ZBBX: variants seen among roughly 807,000 people sequenced by gnomAD.
ZBBX encodes zinc finger B-box domain containing.
ZBBX carries 101 observed loss-of-function variants against 108.5 expected under a neutral mutation model. The observed-to-expected ratio is 0.93, with a 90% confidence interval of 0.79 to 1.10. ZBBX has a LOEUF of 1.10. Among genes scored for constraint, ZBBX ranks in the 50% least tolerant of loss-of-function variants. ZBBX has a pLI of 0.00. For synonymous variants in ZBBX, 356 were observed against 323.4 expected (o/e 1.10, Z -1.08); for missense variants, 1,009 against 941.4 (o/e 1.07, Z -0.94).
chr3:167,317,129 ATAT>A, intron 13 of ZBBX, 24 bp from the exon 14 acceptor site: 6 of 1,411,794 alleles, frequency 4.2e-6, no homozygotes, highest in Non-Finnish European at 6.0e-6. Context: ...TTCACAAATA[ATAT>A]CATCAAAGAA....
chr3:167,218,749 A>T, the ZBBX span, among the ~76,000 whole-genome samples: 3 of 152,110 alleles, frequency 2.0e-5, no homozygotes, highest in Non-Finnish European at 4.4e-5. Flanking sequence ...AACACAAATA[A>T]CTAAATGGCA....
chr3:167,331,197 C>A (rs990438715), intron 10 of ZBBX, among the ~76,000 whole-genome samples: 5 of 152,050 alleles, frequency 3.3e-5, no homozygotes, highest in African/African-American at 1.2e-4. Context: ...ATAAAGGTAA[C>A]CAACTGAATG....
At chr3:167,215,451 C>T in the ZBBX span, among the ~76,000 whole-genome samples, 2 of 151,980 alleles carry the variant, frequency 1.3e-5, no homozygotes, top group African/African-American at 4.8e-5. Flanking sequence ...TTCCTGAACA[C>T]ATCAATAATG....
rs1728947586 is a variant in ZBBX at position 167,282,263 on chromosome 3, T to C, written c.2229A>G (p.Glu743=). 3.7e-6 allele frequency: 6 copies of C among 1,612,736 alleles called. No homozygotes were observed. Among genetic ancestry groups the C allele is most frequent in the Non-Finnish European group, 5.1e-6 (6 of 1,179,552 alleles). Residue 743 remains glutamate (E), a synonymous_variant, in exon 20 of 22, where the codon GAA becomes GAG. Transcript: ENST00000675490. ...CTGCAAGAGATCTCAGCACTTGTAATTCTTTTTCCAAATTGTCTAAAGTAT... is the reference window on the plus strand; with the variant it reads ...CTGCAAGAGATCTCAGCACTTGTAACTCTTTTTCCAAATTGTCTAAAGTAT... The part of the protein sequence containing the change: ...DQHTLDNLEK[E]LQVLRSLADT...
At chr3:167,233,453 A>G in the ZBBX span, among the ~76,000 whole-genome samples, 1 of 151,798 alleles carries the variant, frequency 6.6e-6, no homozygotes, top group East Asian at 1.9e-4. Flanking sequence ...AAAGGTAGAA[A>G]TGAGCATAAG....
At chr3:167,374,961 A>C (rs1184650653) in intron 2 of ZBBX, among the ~76,000 whole-genome samples, 2 of 152,100 alleles carry the variant, frequency 1.3e-5, no homozygotes, top group Admixed American at 1.3e-4. Flanking sequence ...TACGTGGAAG[A>C]AAAAAAATAA....
the ZBBX span, among the ~76,000 whole-genome samples, chr3:167,226,670 T>A: frequency 6.6e-6 from 1 of 151,762 alleles, no homozygotes; most frequent in Non-Finnish European, 1.5e-5. Context: ...TTTCTCCTCA[T>A]CTGATTATCT....
At chr3:167,219,372 G>A in the ZBBX span, among the ~76,000 whole-genome samples, 2 of 151,854 alleles carry the variant, frequency 1.3e-5, no homozygotes, top group Non-Finnish European at 2.9e-5. Flanking sequence ...TAGATCATAA[G>A]GTAGGTCACA....
intron 8 of ZBBX, among the ~76,000 whole-genome samples, chr3:167,353,560 C>T (rs1046004825): frequency 2.0e-5 from 3 of 151,946 alleles, no homozygotes; most frequent in Admixed American, 6.6e-5. Flanking sequence ...ATGATGTTCC[C>T]ATTCAGATGA....
At chr3:167,187,031 T>C in the ZBBX span, among the ~76,000 whole-genome samples, 2 of 152,168 alleles carry the variant, frequency 1.3e-5, no homozygotes, top group African/African-American at 2.4e-5. Context: ...CCTGAAGTAT[T>C]TGGCTTTGGG....
At chr3:167,272,865 A>T (rs1348012097) in intron 20 of ZBBX, among the ~76,000 whole-genome samples, 1 of 152,210 alleles carries the variant, frequency 6.6e-6, no homozygotes. Flanking sequence ...GCTGGACCTC[A>T]TCAGCGAGTG....
chr3:167,305,641 A>G lies in ZBBX; in HGVS notation c.1725+2T>C. 1 of 1,532,882 alleles carries G rather than the reference A, an allele frequency of 6.5e-7. No individual in the cohort carries two copies. Among genetic ancestry groups the G allele is most frequent in the Non-Finnish European group, 8.7e-7 (1 of 1,145,548 alleles). 95.0% of individuals were successfully genotyped at this position (1,532,882 alleles called of 1,614,324 possible). On this transcript the variant is annotated splice_donor_variant, in intron 17 of 21. Transcript: ENST00000675490. LOFTEE classifies it high-confidence loss of function. ...AATATAATAAACATAATAGAGATTT[A>G]CCAGTGATGACTTTGTAGTTTTTGA...
At chr3:167,242,820 A>G (rs918781585) in intron 20 of ZBBX, among the ~76,000 whole-genome samples, 177 bp from the exon 21 acceptor site, 8 of 152,170 alleles carry the variant, frequency 5.3e-5, no homozygotes, top group Admixed American at 4.6e-4. Context: ...TTGAGATTCC[A>G]AATTGGGGCA....
intron 16 of ZBBX, among the ~76,000 whole-genome samples, chr3:167,311,634 A>G (rs988917116): frequency 1.3e-5 from 2 of 152,164 alleles, no homozygotes; most frequent in Admixed American, 6.5e-5. Flanking sequence ...AAACCTGAAC[A>G]GATATTTTAA....
At chr3:167,295,085 C>T (rs1421214007) in intron 18 of ZBBX, among the ~76,000 whole-genome samples, 1 of 152,134 alleles carries the variant, frequency 6.6e-6, no homozygotes, top group African/African-American at 2.4e-5. Context: ...TCCTTTTACA[C>T]TGTTGGTGGG....
intron 4 of ZBBX, among the ~76,000 whole-genome samples, chr3:167,372,559 A>G (rs936335755): frequency 6.6e-6 from 1 of 152,206 alleles, no homozygotes. Context: ...ACTTTGAATA[A>G]GGGCCATGAA....
At chr3:167,360,604 T>G in intron 7 of ZBBX, 71 bp downstream of exon 7, 1 of 932,628 alleles carries the variant, frequency 1.1e-6, no homozygotes, top group Non-Finnish European at 1.5e-6. Context: ...AAACTTTAAC[T>G]TTATTTGTAA....
chr3:167,395,034 T>A (rs2108639072), intron 1 of ZBBX, among the ~76,000 whole-genome samples: 1 of 152,118 alleles, frequency 6.6e-6, no homozygotes, highest in African/African-American at 2.4e-5. Flanking sequence ...GGTTCAAGCA[T>A]CCCAATTAAC....
downstream of ZBBX, among the ~76,000 whole-genome samples, chr3:167,236,236 T>A (rs1720226090): frequency 6.6e-6 from 1 of 151,748 alleles, no homozygotes; most frequent in South Asian, 2.1e-4. Flanking sequence ...ACATAAACAC[T>A]GGCTTTTTAC....
Sources: allele counts gnomAD v4.1 joint callset (sites outside exome capture counted in the v4.1 genomes callset), GRCh38; gene constraint gnomAD v4.1.1; transcripts MANE v1.5; gene names NCBI Gene and HGNC (gene_info 2026-07-23, HGNC 2026-07-21).